GCNT2: variants seen among roughly 807,000 people sequenced by gnomAD.
GCNT2 encodes N-acetyllactosaminide beta-1,6-N-acetylglucosaminyl-transferase.
In GCNT2, 34 loss-of-function variants were observed where a neutral mutation model predicts 34.2. The ratio of observed to expected loss-of-function variants is 1.00; its 90% CI spans 0.76 to 1.32. The LOEUF (loss-of-function observed/expected upper bound fraction) is 1.32. Among genes scored for constraint, GCNT2 ranks in the 40% most tolerant of loss-of-function variants. GCNT2 has a pLI of 0.00. For synonymous variants in GCNT2, 212 were observed against 188.0 expected, an observed-to-expected ratio of 1.13 and a Z score of -1.04; for missense variants, 584 against 489.4, an observed-to-expected ratio of 1.19 and a Z score of -1.82.
chr6:10,591,451 G>T (rs1366003846), intron 3 of GCNT2, among the ~76,000 whole-genome samples: 1 of 152,186 alleles, frequency 6.6e-6, no homozygotes, highest in Non-Finnish European at 1.5e-5. Flanking sequence ...AGTCCTGAAA[G>T]AATTAGCGAG....
chr6:10,566,116 TGC>T, intron 3 of GCNT2, among the ~76,000 whole-genome samples: 1 of 151,838 alleles, frequency 6.6e-6, no homozygotes, highest in South Asian at 2.1e-4. Context: ...CCCTGACGCA[TGC>T]AGTCCCTCTC....
intron 3 of GCNT2, among the ~76,000 whole-genome samples, chr6:10,576,467 A>C (rs1408738300): frequency 6.6e-6 from 1 of 152,202 alleles, no homozygotes; most frequent in African/African-American, 2.4e-5. Context: ...GTTTGGTCGT[A>C]ATCGTGAGTT....
intron 3 of GCNT2, among the ~76,000 whole-genome samples, chr6:10,570,590 A>G (rs899222157): frequency 6.6e-6 from 1 of 152,130 alleles, no homozygotes; most frequent in African/African-American, 2.4e-5. Context: ...CTTTCTAGCC[A>G]TCTCCTTCCT....
chr6:10,565,860 A>G lies in GCNT2; in HGVS notation c.925+36024A>G, dbSNP rs375487647. The stretch of plus-strand genomic sequence containing the variant: ...GTTTCCCTGTTCCGTGCTTTAATCC[A>G]TCCTCCACAGTGACAGGATGGCCTT... On this transcript the variant is annotated intron_variant, in intron 3 of 4. Transcript: ENST00000495262. Among the ~76,000 whole-genome samples, 7 of 152,064 alleles carry G rather than the reference A, an allele frequency of 4.6e-5. No homozygotes were observed. In the South Asian group the frequency reaches 1.4e-3, roughly 31 times the overall value.
At chr6:10,530,461 A>G (rs1324930580) in intron 3 of GCNT2, among the ~76,000 whole-genome samples, 2 of 152,228 alleles carry the variant, frequency 1.3e-5, no homozygotes, top group African/African-American at 4.8e-5. Flanking sequence ...TTGAATGACA[A>G]TTTGAAGATT....
chr6:10,542,037 A>G (rs1159812301), intron 3 of GCNT2, among the ~76,000 whole-genome samples: 1 of 152,170 alleles, frequency 6.6e-6, no homozygotes, highest in Non-Finnish European at 1.5e-5. Context: ...ATTGAATTCA[A>G]ATTCACCTTA....
At position 10,537,253 on chromosome 6, in the gene GCNT2, A is replaced by C. The variant is rs572962843; in HGVS notation, c.925+7417A>C. Reference sequence around the variant, plus strand: ...CCATTGTCTTCCCTCTTCACTGATCACTGAGTTTGTTCTTCGGGCATTCTG... The same window carrying C: ...CCATTGTCTTCCCTCTTCACTGATCCCTGAGTTTGTTCTTCGGGCATTCTG... On this transcript the variant is annotated intron_variant, in intron 3 of 4. Transcript: ENST00000495262. 3.9e-5 allele frequency among the ~76,000 whole-genome samples: 6 copies of C among 152,284 alleles called. No individual in the cohort carries two copies. In the South Asian group the frequency reaches 8.3e-4, roughly 21 times the overall value.
chr6:10,556,608 A>C (rs1762717729), intron 3 of GCNT2: 1 of 1,614,184 alleles, frequency 6.2e-7, no homozygotes, highest in South Asian at 1.1e-5. Context: ...CTGTGGAAAA[A>C]CAAACTAATG....
intron 3 of GCNT2, among the ~76,000 whole-genome samples, chr6:10,595,498 C>A (rs370578264): frequency 2.0e-5 from 3 of 152,098 alleles, no homozygotes; most frequent in Non-Finnish European, 4.4e-5. Flanking sequence ...AGGATGGTCT[C>A]GATCTCCTGA....
intron 3 of GCNT2, among the ~76,000 whole-genome samples, chr6:10,593,767 A>G (rs1338639246): frequency 1.3e-5 from 2 of 152,244 alleles, no homozygotes; most frequent in Admixed American, 1.3e-4. Context: ...TGATCAATAT[A>G]TACTCGACGT....
At chr6:10,589,630 G>C (rs942797717) in intron 3 of GCNT2, among the ~76,000 whole-genome samples, 1 of 152,102 alleles carries the variant, frequency 6.6e-6, no homozygotes, top group Non-Finnish European at 1.5e-5. Context: ...AGAAGCTGGG[G>C]AGTAAGAAGC....
Position 10,628,317 on chromosome 6 carries a change from A to G in GCNT2, c.*1710A>G, listed in dbSNP as rs1209802075. 18 of 152,646 alleles carry G rather than the reference A, an allele frequency of 1.2e-4. No homozygotes were observed. The highest frequency in any genetic ancestry group is 2.9e-5 in the Non-Finnish European group (2 of 68,034). 9.5% of individuals were successfully genotyped at this position (152,646 alleles called of 1,614,324 possible). A position where few individuals can be genotyped will look rare whatever the true frequency, so the allele number is the denominator to read the frequency against. The stretch of plus-strand genomic sequence containing the variant: ...AGCAATTACTACAAATGGATGACAC[A>G]TTTAATGAACACAATTTTATTTTTT... On this transcript the variant is annotated 3_prime_UTR_variant, in exon 5 of 5. Transcript: ENST00000495262.
intron 3 of GCNT2, among the ~76,000 whole-genome samples, chr6:10,568,001 G>T (rs541124235): frequency 6.6e-6 from 1 of 152,288 alleles, no homozygotes; most frequent in East Asian, 1.9e-4. Context: ...TTAGCTATCG[G>T]TGGAATTTTG....
intron 3 of GCNT2, among the ~76,000 whole-genome samples, chr6:10,621,019 C>T (rs111233213): frequency 1.3e-5 from 2 of 152,146 alleles, no homozygotes; most frequent in African/African-American, 4.8e-5. Context: ...AGTGGAGAAA[C>T]CCTGGCTTAG....
At position 10,529,272 on chromosome 6, in the gene GCNT2, C is replaced by T; in HGVS notation, c.361C>T (p.Gln121Ter). ...ERLFRAIYMP[Q>*]NVYCVHLDQK... ...GCTCTTCAGGGCGATTTATATGCCC[C>T]AAAATGTCTACTGTGTGCACCTGGA... The change falls in exon 3 of 5, where the codon CAA becomes TAA. Residue 121 changes from glutamine (Q) to a stop codon, truncating the protein, a stop_gained. Coordinates refer to ENST00000495262, the MANE Select transcript of GCNT2 (RefSeq NM_145649.5). LOFTEE classifies it high-confidence loss of function. 2 of 1,614,112 alleles carry T rather than the reference C, an allele frequency of 1.2e-6. No individual in the cohort carries two copies. The highest frequency in any genetic ancestry group is 1.1e-5 in the South Asian group (1 of 91,078).
intron 3 of GCNT2, among the ~76,000 whole-genome samples, chr6:10,549,453 A>G (rs1276127747): frequency 1.3e-5 from 2 of 151,818 alleles, no homozygotes; most frequent in African/African-American, 4.8e-5. Flanking sequence ...CAAAGTTGTC[A>G]TACCAATTCA....
In GCNT2 at chr6:10,621,523, T is replaced by C. The variant is rs1465198419; in HGVS notation, c.1018+80T>C. 4.6e-6 allele frequency: 4 copies of C among 877,170 alleles called. No homozygotes were observed. The African/African-American group carries it at 6.6e-5, about 14-fold the overall frequency. 54.3% of individuals were successfully genotyped at this position (877,170 alleles called of 1,614,324 possible). A position where few individuals can be genotyped will look rare whatever the true frequency, so the allele number is the denominator to read the frequency against. On this transcript the variant is annotated intron_variant, in intron 4 of 4. Transcript: ENST00000495262. ...GTAGCTGTGGAATCCAGGGTTCTCA[T>C]GGAGAGAGAATTGCTGCTATATTTA...
intron 3 of GCNT2, among the ~76,000 whole-genome samples, chr6:10,610,853 C>T (rs74296100): frequency 4.6e-5 from 7 of 152,072 alleles, no homozygotes; most frequent in African/African-American, 1.7e-4. Context: ...AGCTTGGTAA[C>T]GAGGGGGAGG....
At chr6:10,530,803 C>G (rs1418221310) in intron 3 of GCNT2, among the ~76,000 whole-genome samples, 1 of 151,982 alleles carries the variant, frequency 6.6e-6, no homozygotes, top group African/African-American at 2.4e-5. Flanking sequence ...ACCTGTAATC[C>G]CAGCACTTTG....
Sources: allele counts gnomAD v4.1 joint callset (sites outside exome capture counted in the v4.1 genomes callset), GRCh38; gene constraint gnomAD v4.1.1; transcripts MANE v1.5; gene names NCBI Gene and HGNC (gene_info 2026-07-23, HGNC 2026-07-21).